Variants in DNAH9 observed in about 807,000 individuals in gnomAD.
DNAH9 encodes dynein axonemal heavy chain 9.
In DNAH9, 345 loss-of-function variants were observed where a neutral mutation model predicts 471.6. That is an observed-to-expected ratio of 0.73 (90% CI 0.67 to 0.80). The LOEUF is 0.80. Ranked by LOEUF, DNAH9 falls within the 30% of genes least tolerant of loss-of-function variation. DNAH9 has a pLI of 0.00. For synonymous variants in DNAH9, 2,093 were observed against 2,123.6 expected (o/e 0.99, Z 0.40); for missense variants, 5,407 against 5,609.2 (o/e 0.96, Z 1.15).
chr17:11,717,709 G>A (rs1334591367), intron 26 of DNAH9, among the ~76,000 whole-genome samples: 2 of 152,066 alleles, frequency 1.3e-5, no homozygotes, highest in Non-Finnish European at 2.9e-5. Flanking sequence ...ATGATTTTTA[G>A]TAAATAGACA....
chr17:11,632,405 A>C (rs1466731444), intron 7 of DNAH9, among the ~76,000 whole-genome samples, 182 bp from the exon 8 acceptor site: 2 of 152,228 alleles, frequency 1.3e-5, no homozygotes, highest in African/African-American at 4.8e-5. Flanking sequence ...CTAGGTAAAA[A>C]TGCTGCAACC....
In DNAH9 at chr17:11,704,446, G is replaced by A; in HGVS notation, c.5391+4G>A. 6.2e-7 allele frequency: 1 copy of A among 1,612,176 alleles called. No individual in the cohort carries two copies. The highest frequency in any genetic ancestry group is 8.5e-7 in the Non-Finnish European group (1 of 1,179,748). ...AGCCAAGATGATTGCTCAGAAGGTGGGTCCCAAACATCCAGGGATGCCCAC... is the reference window on the plus strand; with the variant it reads ...AGCCAAGATGATTGCTCAGAAGGTGAGTCCCAAACATCCAGGGATGCCCAC... On this transcript the variant is annotated splice_donor_region_variant and intron_variant, in intron 25 of 68. Coordinates refer to ENST00000262442, the MANE Select transcript of DNAH9 (RefSeq NM_001372.4).
At chr17:11,618,282 G>A (rs1174648450) in intron 5 of DNAH9, among the ~76,000 whole-genome samples, 2 of 152,164 alleles carry the variant, frequency 1.3e-5, no homozygotes. Context: ...ACCTTGAGGA[G>A]TGTATCTTAA....
chr17:11,766,586 A>G (rs947044777), intron 36 of DNAH9, among the ~76,000 whole-genome samples: 1 of 152,232 alleles, frequency 6.6e-6, no homozygotes, highest in African/African-American at 2.4e-5. Flanking sequence ...AAGGGCAGAG[A>G]GAAAACAGTG....
At chr17:11,662,948 G>A (rs891455485) in intron 14 of DNAH9, among the ~76,000 whole-genome samples, 7 of 151,290 alleles carry the variant, frequency 4.6e-5, no homozygotes, top group Non-Finnish European at 1.0e-4. Context: ...GTAGAGACGG[G>A]GTTTCACCGT....
At chr17:11,698,237 T>TATTATATAATATATTAATATATAATA (rs1241668261) in intron 22 of DNAH9, among the ~76,000 whole-genome samples, 1 of 63,982 alleles carries the variant, frequency 1.6e-5, no homozygotes, top group African/African-American at 4.6e-5. Flanking sequence ...AATAGCAATA[T>TATTATATAATATATTAATATATAATA]ATTATATAAT....
At chr17:11,622,550 G>A (rs565470046) in intron 6 of DNAH9, among the ~76,000 whole-genome samples, 38 of 152,220 alleles carry the variant, frequency 2.5e-4, no homozygotes, top group South Asian at 1.5e-3. Context: ...TCACTGCCTG[G>A]CAGCGGCCAT....
rs1488142206 is a variant in DNAH9 at position 11,647,154 on chromosome 17, C to T, written c.2053C>T (p.Arg685Cys). 13 of 1,613,960 alleles carry T rather than the reference C, an allele frequency of 8.1e-6. No individual in the cohort carries two copies. Among genetic ancestry groups the T allele is most frequent in the East Asian group, 6.7e-5 (3 of 44,878 alleles). The change falls in exon 12 of 69, where the codon CGT becomes TGT. Residue 685 changes from arginine to cysteine, a missense_variant. Arg to Cys is a radical substitution (Grantham distance 180, BLOSUM62 -3). This residue lies in a region of DNAH9 where 4,636 missense variants were observed against 4,900.3 expected (regional missense o/e 0.95). Coordinates refer to ENST00000262442, the MANE Select transcript of DNAH9 (RefSeq NM_001372.4). ...CAATCTTTCCCAACCACTTCTAAAA[C>T]GTGACCCAGAGACGAAGGAGATCAC... is the stretch of plus-strand genomic sequence containing the variant. ...QYNLSQPLLKRDPETKEITIN... is the reference protein window; with the variant it reads ...QYNLSQPLLKCDPETKEITIN...
Position 11,664,830 on chromosome 17 carries a change from T to TA in DNAH9, c.2596-2dup, listed in dbSNP as rs759630526. 1.9e-5 allele frequency: 31 copies of TA among 1,611,594 alleles called. No homozygotes were observed. The Admixed American group carries it at 2.0e-4, about 10-fold the overall frequency. Reference sequence around the variant, plus strand: ...TTTATATCCTTTCTTCTTCCTTTTATAGGAAAACCTGGGTCTATTTTCAGC... The same window carrying TA: ...TTTATATCCTTTCTTCTTCCTTTTATAAGGAAAACCTGGGTCTATTTTCAGC... On this transcript the variant is annotated splice_region_variant and splice_polypyrimidine_tract_variant and intron_variant, in intron 14 of 68. Coordinates refer to ENST00000262442, the MANE Select transcript of DNAH9 (RefSeq NM_001372.4).
chr17:11,677,789 T>C (rs1774778878), intron 17 of DNAH9, among the ~76,000 whole-genome samples: 1 of 152,098 alleles, frequency 6.6e-6, no homozygotes, highest in Non-Finnish European at 1.5e-5. Flanking sequence ...TCTGCTACTT[T>C]GAATGTCATG....
Position 11,646,143 on chromosome 17 carries a change from T to C in DNAH9, c.1971-929T>C, listed in dbSNP as rs367659523. Among the ~76,000 whole-genome samples, 24 of 151,972 alleles carry C rather than the reference T, an allele frequency of 1.6e-4. No homozygotes were observed. The East Asian group carries it at 4.7e-3, about 30-fold the overall frequency. The stretch of plus-strand genomic sequence containing the variant: ...ATCTGCCTGCCGTGGCCTCCTAAAG[T>C]GCTGGGATTACAGGTGTGAGCCACC... On this transcript the variant is annotated intron_variant, in intron 11 of 68. Transcript: ENST00000262442.
chr17:11,943,599 C>T (rs1165073423), intron 67 of DNAH9, among the ~76,000 whole-genome samples: 3 of 152,088 alleles, frequency 2.0e-5, no homozygotes, highest in Non-Finnish European at 1.5e-5. Context: ...ATAGCGTGAA[C>T]CTGGGAGGCG....
At chr17:11,809,470 G>A (rs1969808485) in intron 44 of DNAH9, among the ~76,000 whole-genome samples, 1 of 152,148 alleles carries the variant, frequency 6.6e-6, no homozygotes, top group Non-Finnish European at 1.5e-5. Flanking sequence ...GGGAGGCTGA[G>A]GCAGGAGAAT....
In DNAH9 at chr17:11,622,281, A is replaced by G. The variant is rs78141083; in HGVS notation, c.1350+2500A>G. Among the ~76,000 whole-genome samples the G allele has an allele frequency of 7.4e-3, 1,123 of 152,306 alleles. 13 individuals are homozygous for G. The highest frequency in any genetic ancestry group is 0.03 in the East Asian group (154 of 5,166). ...CGTGAGAGAGAAAGCCAGAAGCTAGATCTTATGAAAGGCGCACCTTAAACC... is the reference window on the plus strand; with the variant it reads ...CGTGAGAGAGAAAGCCAGAAGCTAGGTCTTATGAAAGGCGCACCTTAAACC... On this transcript the variant is annotated intron_variant, in intron 6 of 68. Coordinates refer to ENST00000262442, the MANE Select transcript of DNAH9 (RefSeq NM_001372.4).
intron 28 of DNAH9, among the ~76,000 whole-genome samples, chr17:11,737,520 G>A (rs1350788567): frequency 6.6e-6 from 1 of 152,156 alleles, no homozygotes; most frequent in Non-Finnish European, 1.5e-5. Flanking sequence ...GACCTTCTGG[G>A]GCCGGGCTGG....
At chr17:11,622,254 T>C (rs939828822) in intron 6 of DNAH9, among the ~76,000 whole-genome samples, 8 of 152,054 alleles carry the variant, frequency 5.3e-5, no homozygotes, top group Non-Finnish European at 1.2e-4. Context: ...AGAGAGAAAA[T>C]GCGTGAGAGA....
chr17:11,669,835 G>C, intron 17 of DNAH9, 41 bp downstream of exon 17: 1 of 1,516,816 alleles, frequency 6.6e-7, no homozygotes, highest in Non-Finnish European at 9.1e-7. Context: ...ATGCTAGGCT[G>C]TGAGGAACAC....
intron 62 of DNAH9, among the ~76,000 whole-genome samples, chr17:11,924,680 A>G (rs1239870345): frequency 3.0e-5 from 4 of 135,276 alleles, no homozygotes; most frequent in South Asian, 4.6e-4. Flanking sequence ...CTGGAGTGCA[A>G]TGGCGCAATC....
intron 15 of DNAH9, among the ~76,000 whole-genome samples, chr17:11,668,120 C>T (rs908325246): frequency 2.0e-5 from 3 of 152,156 alleles, no homozygotes; most frequent in Non-Finnish European, 4.4e-5. Flanking sequence ...GGCAAGTTGA[C>T]CTAGTAAGTA....
Sources: allele counts gnomAD v4.1 joint callset (sites outside exome capture counted in the v4.1 genomes callset), GRCh38; gene constraint gnomAD v4.1.1; regional missense constraint gnomAD v4.1.1; transcripts MANE v1.5; gene names NCBI Gene and HGNC (gene_info 2026-07-23, HGNC 2026-07-21).